POLD1: variants seen among roughly 807,000 people sequenced by gnomAD.
The protein encoded by POLD1 is DNA polymerase delta 1, catalytic subunit, also known as DNA polymerase delta catalytic subunit.
In POLD1, 79 loss-of-function variants were observed where a neutral mutation model predicts 129.7. That is an observed-to-expected ratio of 0.61 (90% CI 0.51 to 0.73). POLD1 has a LOEUF of 0.73. POLD1 is among the 30% of genes least tolerant of loss of function. The probability of loss-of-function intolerance (pLI) is 0.00; values close to 1 mark genes in which losing one functional copy is unlikely to be tolerated. For synonymous variants in POLD1, 714 were observed against 683.3 expected, an observed-to-expected ratio of 1.04 and a Z score of -0.70; for missense variants, 1,338 against 1,595.8, an observed-to-expected ratio of 0.84 and a Z score of 2.75.
In POLD1 at chr19:50,409,086, G is replaced by A; in HGVS notation, c.1893-36G>A. 1 of 1,491,488 alleles carries A rather than the reference G, an allele frequency of 6.7e-7. No individual in the cohort carries two copies. Among genetic ancestry groups the A allele is most frequent in the East Asian group, 2.3e-5 (1 of 44,236 alleles). The allele number at this position is 1,491,488 out of a possible 1,614,324, so 92.4% of individuals were successfully genotyped here. On this transcript the variant is annotated intron_variant, in intron 15 of 26. Transcript: ENST00000440232. The surrounding 1 kb of genome is among the most constrained non-coding windows in gnomAD (Gnocchi z 5.8). The stretch of plus-strand genomic sequence containing the variant: ...GGGCAGAGGTGGGCTGGAGCAGGAG[G>A]GTGGCCGGCAGTCACCCCAACATCT...
In POLD1 at chr19:50,413,572, G is replaced by A. The variant is rs375450930; in HGVS notation, c.2250+51G>A. On this transcript the variant is annotated intron_variant, in intron 18 of 26. Transcript: ENST00000440232. Reference sequence around the variant, plus strand: ...GAGATGGGCCCAGGGCAGGTGGGGGGATGGAAGCCGGGCCGGACCCCCATG... The same window carrying A: ...GAGATGGGCCCAGGGCAGGTGGGGGAATGGAAGCCGGGCCGGACCCCCATG... 2.6e-6 allele frequency: 4 copies of A among 1,552,702 alleles called. No individual in the cohort carries two copies. The South Asian group carries it at 4.5e-5, about 17-fold the overall frequency.
chr19:50,390,331 C>T (rs953748311), intron 1 of POLD1, among the ~76,000 whole-genome samples: 5 of 151,852 alleles, frequency 3.3e-5, no homozygotes, highest in Non-Finnish European at 5.9e-5. Flanking sequence ...GCCAATCTCC[C>T]GAGACTCAGG....
intron 26 of POLD1, 27 bp from the exon 27 acceptor site, chr19:50,417,815 T>C (rs753455508): frequency 1.2e-5 from 17 of 1,475,208 alleles, no homozygotes; most frequent in Non-Finnish European, 1.6e-5. Flanking sequence ...TGGCTGGTCC[T>C]GACCCTGCCC....
intron 1 of POLD1, among the ~76,000 whole-genome samples, chr19:50,393,410 C>T (rs552416353): frequency 6.6e-6 from 1 of 152,278 alleles, no homozygotes; most frequent in African/African-American, 2.4e-5. Flanking sequence ...TGGTTCATAC[C>T]TGTAATCCCA....
intron 3 of POLD1, among the ~76,000 whole-genome samples, chr19:50,399,720 A>AAG (rs1568616046): frequency 2.6e-5 from 4 of 152,324 alleles, no homozygotes; most frequent in African/African-American, 9.6e-5. Context: ...AGGTGCTTGG[A>AAG]GCGTTGATCT....
chr19:50,402,527 A>C lies in POLD1; in HGVS notation c.832A>C (p.Lys278Gln). 6.2e-7 allele frequency: 1 copy of C among 1,601,672 alleles called. No individual in the cohort carries two copies. Among genetic ancestry groups the C allele is most frequent in the Non-Finnish European group, 8.5e-7 (1 of 1,174,448 alleles). ...LPAGKYALRL[K>Q]EKATQCQLEA... ...AGCTGGGAAATACGCCCTGAGGCTGAAGGAGAAGGTGCAGGGCTTCCCAGG... is the reference window on the plus strand; with the variant it reads ...AGCTGGGAAATACGCCCTGAGGCTGCAGGAGAAGGTGCAGGGCTTCCCAGG... The change falls in exon 7 of 27, where the codon AAG becomes CAG. Residue 278 changes from lysine (K) to glutamine (Q), a missense_variant. By Grantham distance (53) the Lys-to-Gln change is moderately conservative. Around this residue, in one of 3 missense-constraint regions of POLD1, gnomAD observed 720 missense variants for 1,002.6 expected, o/e 0.72. Coordinates refer to ENST00000440232, the MANE Select transcript of POLD1 (RefSeq NM_002691.4).
In POLD1 at chr19:50,407,061, C is replaced by G. The variant is rs201804732; in HGVS notation, c.1573C>G (p.Arg525Gly). Reference protein sequence around the residue: ...DAYLPLRLLERLMVLVNAVEM... With the variant: ...DAYLPLRLLEGLMVLVNAVEM... ...CTACCTGCCACTGCGGCTGCTGGAG[C>G]GGCTCATGGTGCTGGTGAACGCCGT... Residue 525 changes from arginine to glycine, a missense_variant, in exon 13 of 27, where the codon CGG becomes GGG. This residue lies in a region of POLD1 where 720 missense variants were observed against 1,002.6 expected (regional missense o/e 0.72). Coordinates refer to ENST00000440232, the MANE Select transcript of POLD1 (RefSeq NM_002691.4). The G allele has an allele frequency of 6.2e-7, 1 of 1,613,752 alleles. No individual in the cohort carries two copies. Among genetic ancestry groups the G allele is most frequent in the Non-Finnish European group, 8.5e-7 (1 of 1,179,998 alleles).
In POLD1 at chr19:50,391,480, G is replaced by A. The variant is rs1376795673; in HGVS notation, c.-2+7090G>A. 4.6e-5 allele frequency among the ~76,000 whole-genome samples: 7 copies of A among 152,174 alleles called. No homozygotes were observed. The East Asian group carries it at 5.8e-4, about 13-fold the overall frequency. ...GGAGGCCCAGGCGGGCAGATCACTCGCGGTCAGGAGCTGGAGACCAGCCCG... is the reference window on the plus strand; with the variant it reads ...GGAGGCCCAGGCGGGCAGATCACTCACGGTCAGGAGCTGGAGACCAGCCCG... On this transcript the variant is annotated intron_variant, in intron 1 of 26. Coordinates refer to ENST00000440232, the MANE Select transcript of POLD1 (RefSeq NM_002691.4).
In POLD1 at chr19:50,417,230, G is replaced by C. The variant is rs762090110; in HGVS notation, c.3179G>C (p.Arg1060Pro). ...TCGCGCCTCTGGACGCAGTGCCAGC[G>C]CTGCCAGGGCAGCCTGCACGAGGAC... ...RFSRLWTQCQ[R>P]CQGSLHEDVI... The change falls in exon 26 of 27, where the codon CGC becomes CCC. Residue 1060 changes from arginine (R) to proline (P), a missense_variant. By Grantham distance (103) the Arg-to-Pro change is moderately radical. Transcript: ENST00000440232. 1 of 1,604,022 alleles carries C rather than the reference G, an allele frequency of 6.2e-7. No homozygotes were observed. The highest frequency in any genetic ancestry group is 1.7e-5 in the Admixed American group (1 of 59,666).
At chr19:50,412,826 T>G (rs2039133427) in intron 17 of POLD1, among the ~76,000 whole-genome samples, 2 of 152,092 alleles carry the variant, frequency 1.3e-5, no homozygotes, top group Non-Finnish European at 2.9e-5. Context: ...TCCAGGCTGA[T>G]CTCGAACTCC....
rs569748371 is a variant in POLD1 at position 50,409,250 on chromosome 19, T to C, written c.2006+15T>C. The C allele has an allele frequency of 1.5e-4, 230 of 1,561,358 alleles. 1 individual carries two copies. In the South Asian group the frequency reaches 2.4e-3, roughly 16 times the overall value. ...GCCCGGAAGAGGTGAGCCCTGGAGA[T>C]CGCCTGCTTGGAGCTCAGACCTGTT... On this transcript the variant is annotated intron_variant, in intron 16 of 26. Transcript: ENST00000440232. The surrounding 1 kb of genome is among the most constrained non-coding windows in gnomAD (Gnocchi z 5.8).
chr19:50,392,483 CTTGTT>C (rs1178585200), intron 1 of POLD1, among the ~76,000 whole-genome samples: 1 of 151,862 alleles, frequency 6.6e-6, no homozygotes, highest in African/African-American at 2.4e-5. Flanking sequence ...GTTTCTTTTT[CTTGTT>C]TTGTTTTGAG....
At chr19:50,410,645 G>A (rs1008825190) in intron 17 of POLD1, among the ~76,000 whole-genome samples, 8 of 152,178 alleles carry the variant, frequency 5.3e-5, no homozygotes, top group African/African-American at 1.2e-4. Context: ...GGGACCAGGC[G>A]TGTCTTCCAG....
chr19:50,411,839 C>CA (rs34036962), intron 17 of POLD1, among the ~76,000 whole-genome samples: 29,129 of 129,416 alleles, frequency 0.23, 5,527 homozygotes, highest in African/African-American at 0.52. Flanking sequence ...AACTCCGTCT[C>CA]AAAAAAAAAA....
chr19:50,416,566 G>T (rs370217646), intron 23 of POLD1, 38 bp downstream of exon 23: 11 of 1,547,742 alleles, frequency 7.1e-6, no homozygotes, highest in African/African-American at 1.4e-5. Context: ...ACCCTGGGGG[G>T]GCAGAGGAGA....
In POLD1 at chr19:50,409,264, C is replaced by G. The variant is rs774727789; in HGVS notation, c.2006+29C>G. The G allele has an allele frequency of 6.0e-6, 9 of 1,500,114 alleles. No individual in the cohort carries two copies. The highest frequency in any genetic ancestry group is 7.4e-6 in the Non-Finnish European group (8 of 1,078,146). The allele number at this position is 1,500,114 out of a possible 1,614,324, so 92.9% of individuals were successfully genotyped here. ...AGCCCTGGAGATCGCCTGCTTGGAGCTCAGACCTGTTGGGGCCTCTGGGCA... is the reference window on the plus strand; with the variant it reads ...AGCCCTGGAGATCGCCTGCTTGGAGGTCAGACCTGTTGGGGCCTCTGGGCA... On this transcript the variant is annotated intron_variant, in intron 16 of 26. Coordinates refer to ENST00000440232, the MANE Select transcript of POLD1 (RefSeq NM_002691.4). This position sits in a 1 kb window ranked among gnomAD's most constrained non-coding sequence, Gnocchi z 5.8.
At chr19:50,400,366 G>A (rs1300006697) in intron 3 of POLD1, among the ~76,000 whole-genome samples, 4 of 147,172 alleles carry the variant, frequency 2.7e-5, no homozygotes, top group East Asian at 2.1e-4. Context: ...GATTACAGGC[G>A]CCCGCCATCA....
At chr19:50,401,391 ATTT>A (rs1203165864) in intron 3 of POLD1, among the ~76,000 whole-genome samples, 788 of 65,492 alleles carry the variant, frequency 0.012, 1 homozygote, top group East Asian at 0.043. Context: ...ATATATATAT[ATTT>A]TTTTTTTTTT....
In POLD1 at chr19:50,409,751, T is replaced by A. The variant is rs1440993636; in HGVS notation, c.2154+85T>A. On this transcript the variant is annotated intron_variant, in intron 17 of 26. Transcript: ENST00000440232. The surrounding 1 kb of genome is among the most constrained non-coding windows in gnomAD (Gnocchi z 5.8). ...CAGGGCTCCATGTGGGGGACCTGTA[T>A]CCAGAGGACTGGGCACCCCAACTCA... is the stretch of plus-strand genomic sequence containing the variant. 7.0e-7 allele frequency: 1 copy of A among 1,424,670 alleles called. No individual in the cohort carries two copies. Among genetic ancestry groups the A allele is most frequent in the African/African-American group, 1.4e-5 (1 of 69,816 alleles). 88.3% of individuals were successfully genotyped at this position (1,424,670 alleles called of 1,614,324 possible).
Sources: allele counts gnomAD v4.1 joint callset (sites outside exome capture counted in the v4.1 genomes callset), GRCh38; gene constraint gnomAD v4.1.1; regional missense constraint gnomAD v4.1.1; non-coding constraint Gnocchi (gnomAD v3.1); transcripts MANE v1.5; gene names NCBI Gene and HGNC (gene_info 2026-07-23, HGNC 2026-07-21).